SLTM: variants seen among roughly 807,000 people sequenced by gnomAD.
SLTM encodes SAFB like transcription modulator.
Under a neutral mutation model 134.6 loss-of-function variants are expected in SLTM, and 43 were observed. The ratio of observed to expected loss-of-function variants is 0.32; its 90% CI spans 0.25 to 0.41. The LOEUF (loss-of-function observed/expected upper bound fraction) is 0.41, where lower values mean the gene tolerates loss of function less well. Ranked by LOEUF, SLTM falls within the 10% of genes least tolerant of loss-of-function variation. The pLI is 1.00. For synonymous variants in SLTM, 424 were observed against 432.3 expected, an observed-to-expected ratio of 0.98 and a Z score of 0.24; for missense variants, 1,055 against 1,288.8, an observed-to-expected ratio of 0.82 and a Z score of 2.78.
chr15:58,931,418 AT>A (rs1196696138), intron 2 of SLTM, among the ~76,000 whole-genome samples: 1 of 152,204 alleles, frequency 6.6e-6, no homozygotes, highest in African/African-American at 2.4e-5. Flanking sequence ...TAATCCATTC[AT>A]TTTATTTTAG....
intron 2 of SLTM, among the ~76,000 whole-genome samples, chr15:58,927,560 G>A (rs766287911): frequency 1.3e-5 from 2 of 152,174 alleles, no homozygotes; most frequent in Non-Finnish European, 2.9e-5. Context: ...CGTGAGCCAT[G>A]CGCCTGGCCC....
intron 5 of SLTM, among the ~76,000 whole-genome samples, chr15:58,903,682 TATAATA>T (rs1234065489): frequency 1.3e-5 from 2 of 149,400 alleles, no homozygotes; most frequent in Non-Finnish European, 3.0e-5. Flanking sequence ...AAACTTAAAG[TATAATA>T]ATAATAATAA....
chr15:58,889,619 C>G (rs758229863), intron 15 of SLTM, 65 bp from the exon 16 acceptor site: 2 of 1,592,042 alleles, frequency 1.3e-6, no homozygotes, highest in East Asian at 2.3e-5. Context: ...AGTATACATG[C>G]AACCTTGTTT....
chr15:58,926,628 T>TC (rs1397747383), intron 2 of SLTM, among the ~76,000 whole-genome samples: 12 of 151,634 alleles, frequency 7.9e-5, no homozygotes, highest in Non-Finnish European at 1.2e-4. Flanking sequence ...TTTTTTTTTT[T>TC]CTTTGAGTCA....
chr15:58,899,436 A>T lies in SLTM; in HGVS notation c.1058+33T>A, dbSNP rs2035319952. ...GTGATCTTATTGAATGCTGGAATTC[A>T]GTATCGTAAAGAACTGACATAGAAA... On this transcript the variant is annotated intron_variant, in intron 7 of 20. Coordinates refer to ENST00000380516, the MANE Select transcript of SLTM (RefSeq NM_024755.4). The surrounding 1 kb of genome is among the most constrained non-coding windows in gnomAD (Gnocchi z 5.0). 1.2e-5 allele frequency: 18 copies of T among 1,551,022 alleles called. No homozygotes were observed. Among genetic ancestry groups the T allele is most frequent in the Non-Finnish European group, 1.6e-5 (18 of 1,125,162 alleles).
intron 16 of SLTM, 148 bp downstream of exon 16, chr15:58,889,282 G>A: frequency 1.0e-6 from 1 of 966,526 alleles, no homozygotes; most frequent in Non-Finnish European, 1.5e-6. Flanking sequence ...AGTGCACTGG[G>A]TCTACCCCAG....
At chr15:58,906,606 C>CTCCTT (rs1283571160) in intron 5 of SLTM, among the ~76,000 whole-genome samples, 1 of 152,182 alleles carries the variant, frequency 6.6e-6, no homozygotes, top group Non-Finnish European at 1.5e-5. Flanking sequence ...GCAAGAAGAC[C>CTCCTT]TCCTTTCCCC....
intron 19 of SLTM, 94 bp from the exon 20 acceptor site, chr15:58,883,880 C>G: frequency 7.1e-7 from 1 of 1,408,814 alleles, no homozygotes; most frequent in African/African-American, 1.4e-5. Flanking sequence ...GGCGGATCAC[C>G]TGAGGTCAGG....
intron 2 of SLTM, 58 bp downstream of exon 2, chr15:58,932,298 C>A (rs1338887570): frequency 2.4e-6 from 3 of 1,247,666 alleles, no homozygotes; most frequent in Non-Finnish European, 3.5e-6. Context: ...GGCACAAGAG[C>A]AGAGGCAAGT....
At chr15:58,905,223 G>A (rs534247692) in intron 5 of SLTM, among the ~76,000 whole-genome samples, 8 of 152,196 alleles carry the variant, frequency 5.3e-5, no homozygotes, top group Non-Finnish European at 1.2e-4. Flanking sequence ...ATTTGGAAAG[G>A]AAAGAAAAAC....
At chr15:58,915,798 AAC>A (rs566703953) in intron 3 of SLTM, among the ~76,000 whole-genome samples, 1 of 152,232 alleles carries the variant, frequency 6.6e-6, no homozygotes, top group African/African-American at 2.4e-5. Context: ...CTCTATGGAA[AAC>A]ACAAACATCG....
At chr15:58,917,208 G>A (rs575828243) in intron 2 of SLTM, among the ~76,000 whole-genome samples, 13 of 152,294 alleles carry the variant, frequency 8.5e-5, no homozygotes, top group African/African-American at 2.9e-4. Context: ...ACCGTGCACA[G>A]AATCCTACAT....
At chr15:58,927,627 T>C (rs1248120232) in intron 2 of SLTM, among the ~76,000 whole-genome samples, 1 of 152,216 alleles carries the variant, frequency 6.6e-6, no homozygotes, top group Non-Finnish European at 1.5e-5. Context: ...TCAGTATTCA[T>C]TCAACAAATA....
chr15:58,912,775 C>A, intron 4 of SLTM, 165 bp from the exon 5 acceptor site: 3 of 552,078 alleles, frequency 5.4e-6, no homozygotes, highest in Non-Finnish European at 9.6e-6. Flanking sequence ...TTTTTTATGC[C>A]AAAAAAAATT....
chr15:58,932,225 A>C, intron 2 of SLTM, 131 bp downstream of exon 2: 1 of 693,528 alleles, frequency 1.4e-6, no homozygotes, highest in Non-Finnish European at 2.6e-6. Flanking sequence ...TTCTTCCTTG[A>C]CCCAAGAAGG....
intron 17 of SLTM, 33 bp downstream of exon 17, chr15:58,888,352 T>A: frequency 2.6e-6 from 4 of 1,547,420 alleles, no homozygotes; most frequent in Non-Finnish European, 3.5e-6. Flanking sequence ...GCAAGGCTCA[T>A]AAAATAAATA....
intron 5 of SLTM, among the ~76,000 whole-genome samples, chr15:58,910,356 C>T (rs1315829112): frequency 6.6e-6 from 1 of 152,100 alleles, no homozygotes; most frequent in Non-Finnish European, 1.5e-5. Context: ...AACCTAGATA[C>T]ATTTATGTTT....
At chr15:58,888,145 C>A (rs755981525) in intron 17 of SLTM, among the ~76,000 whole-genome samples, 21 of 151,834 alleles carry the variant, frequency 1.4e-4, no homozygotes, top group Non-Finnish European at 2.9e-4. Flanking sequence ...AGAATGAGAC[C>A]CTGTCTCAAA....
intron 8 of SLTM, chr15:58,897,439 T>C: frequency 2.1e-6 from 1 of 472,550 alleles, no homozygotes; most frequent in South Asian, 3.2e-5. Context: ...TCCTATTGTA[T>C]GAGTTCTAAG....
Sources: gnomAD v4.1 joint callset for allele counts (sites outside exome capture counted in the v4.1 genomes callset) on GRCh38, gnomAD v4.1.1 for gene constraint, Gnocchi (gnomAD v3.1) non-coding constraint, MANE v1.5 for transcripts, NCBI Gene and HGNC (gene_info 2026-07-23, HGNC 2026-07-21) for gene names.